Variants in RHBDF2 observed in about 807,000 individuals in gnomAD.
RHBDF2 encodes rhomboid 5 homolog 2.
RHBDF2 carries 38 observed loss-of-function variants against 95.2 expected under a neutral mutation model. That is an observed-to-expected ratio of 0.40 (90% CI 0.31 to 0.52). The LOEUF (loss-of-function observed/expected upper bound fraction) is 0.52. Ranked by LOEUF, RHBDF2 falls within the 20% of genes least tolerant of loss-of-function variation. RHBDF2 has a pLI of 0.56. For missense variants in RHBDF2, 863 were observed against 1,137.7 expected, an observed-to-expected ratio of 0.76 and a Z score of 3.47; for synonymous variants, 442 against 462.0, an observed-to-expected ratio of 0.96 and a Z score of 0.55.
At chr17:76,494,123 G>A (rs2074379359) in intron 1 of RHBDF2, among the ~76,000 whole-genome samples, 1 of 152,030 alleles carries the variant, frequency 6.6e-6, no homozygotes, top group South Asian at 2.1e-4. Flanking sequence ...TGTGTGTGTT[G>A]CGGGGGGCTG....
chr17:76,486,718 T>TATAAATAAATAAATAAATAAATAA (rs374104312), intron 2 of RHBDF2, among the ~76,000 whole-genome samples: 50,488 of 145,692 alleles, frequency 0.35, 9,547 homozygotes, highest in Middle Eastern at 0.47. Context: ...TGTCTCAAAA[T>TATAAATAAATAAATAAATAAATAA]ATAAATAAAT....
Position 76,477,426 on chromosome 17 carries a change from C to A in RHBDF2, c.802-128G>T, listed in dbSNP as rs2073809604. On this transcript the variant is annotated intron_variant, in intron 7 of 18. Transcript: ENST00000675367. ...TCACAATGAATTGGGAAGCCACATGCCCGTCAGCCCCAATGGTGACTTTCC... is the reference window on the plus strand; with the variant it reads ...TCACAATGAATTGGGAAGCCACATGACCGTCAGCCCCAATGGTGACTTTCC... 4 of 1,248,068 alleles carry A rather than the reference C, an allele frequency of 3.2e-6. No homozygotes were observed. The South Asian group carries it at 5.9e-5, about 18-fold the overall frequency. 77.3% of individuals were successfully genotyped at this position (1,248,068 alleles called of 1,614,324 possible). A position where few individuals can be genotyped will look rare whatever the true frequency, so the allele number is the denominator to read the frequency against.
intron 1 of RHBDF2, among the ~76,000 whole-genome samples, chr17:76,494,212 C>A (rs578079819): frequency 6.6e-6 from 1 of 152,304 alleles, no homozygotes; most frequent in South Asian, 2.1e-4. Context: ...TTTCTCAGGA[C>A]CAGTTGCCAG....
chr17:76,481,398 C>A lies in RHBDF2; in HGVS notation c.127G>T (p.Glu43Ter). The change falls in exon 3 of 19, where the codon GAG becomes TAG. Residue 43 changes from glutamate (E) to a stop codon, truncating the protein, a stop_gained. Transcript: ENST00000675367. LOFTEE classifies it high-confidence loss of function. Reference sequence around the variant, plus strand: ...ACCTCAGGCAGCATGCTGTCCTGCTCGCCAGGGGCCTGGGTCTCTTTCTCG... The same window carrying A: ...ACCTCAGGCAGCATGCTGTCCTGCTAGCCAGGGGCCTGGGTCTCTTTCTCG... ...PPEKETQAPGEQDSMLPERKN... is the reference protein window; with the variant it reads ...PPEKETQAPG 6.2e-7 allele frequency: 1 copy of A among 1,612,472 alleles called. No homozygotes were observed. The highest frequency in any genetic ancestry group is 8.5e-7 in the Non-Finnish European group (1 of 1,179,960).
At chr17:76,480,827 G>T (rs2073942393) in intron 3 of RHBDF2, among the ~76,000 whole-genome samples, 1 of 152,196 alleles carries the variant, frequency 6.6e-6, no homozygotes, top group Non-Finnish European at 1.5e-5. Context: ...GCTCTCGGGT[G>T]AACGGGGGGC....
At chr17:76,498,880 C>CTG (rs376312324) in intron 1 of RHBDF2, among the ~76,000 whole-genome samples, 7 of 133,598 alleles carry the variant, frequency 5.2e-5, no homozygotes, top group East Asian at 4.6e-4. Context: ...TTGTGTGTGT[C>CTG]TGTGTGTGTG....
chr17:76,482,229 C>T lies in RHBDF2; in HGVS notation c.-21-684G>A, dbSNP rs558905886. ...AAGATGCAGGCCAGGGACGGTGGCT[C>T]ACACCTGTAATACCAGCACTTGGGG... On this transcript the variant is annotated intron_variant, in intron 2 of 18. Transcript: ENST00000675367. Among the ~76,000 whole-genome samples the T allele has an allele frequency of 4.6e-5, 7 of 152,214 alleles. 1 individual carries two copies. The highest frequency in any genetic ancestry group is 1.7e-4 in the African/African-American group (7 of 41,546).
At position 76,483,381 on chromosome 17, in the gene RHBDF2, G is replaced by T. The variant is rs977561879; in HGVS notation, c.-21-1836C>A. On this transcript the variant is annotated intron_variant, in intron 2 of 18. Transcript: ENST00000675367. ...GCTCACCGCAACCTCCACCTCCCAGGTTCAAGTGATTCTCCTGCCTCAGCC... is the reference window on the plus strand; with the variant it reads ...GCTCACCGCAACCTCCACCTCCCAGTTTCAAGTGATTCTCCTGCCTCAGCC... 3.3e-5 allele frequency among the ~76,000 whole-genome samples: 5 copies of T among 151,996 alleles called. 1 individual carries two copies. The East Asian group carries it at 9.7e-4, about 29-fold the overall frequency.
intron 2 of RHBDF2, among the ~76,000 whole-genome samples, chr17:76,485,826 C>T (rs921970063): frequency 6.6e-6 from 1 of 152,118 alleles, no homozygotes; most frequent in Non-Finnish European, 1.5e-5. Flanking sequence ...CGTGGACGAG[C>T]TTTGAGAACA....
chr17:76,472,580 T>C, intron 18 of RHBDF2, 106 bp downstream of exon 18: 1 of 1,437,694 alleles, frequency 7.0e-7, no homozygotes, highest in Non-Finnish European at 9.8e-7. Context: ...TGGAGCCCAG[T>C]ACAGGAGGGG....
chr17:76,471,625 C>T lies in RHBDF2; in HGVS notation c.*8G>A, dbSNP rs1171582078. The T allele has an allele frequency of 6.3e-7, 1 of 1,578,416 alleles. No homozygotes were observed. Among genetic ancestry groups the T allele is most frequent in the Non-Finnish European group, 8.6e-7 (1 of 1,160,848 alleles). ...GCAGGGCTGAGGGGCAGCCGTGTGGCCCAGCGGTCAGTGCAGCACCTGGTC... is the reference window on the plus strand; with the variant it reads ...GCAGGGCTGAGGGGCAGCCGTGTGGTCCAGCGGTCAGTGCAGCACCTGGTC... On this transcript the variant is annotated 3_prime_UTR_variant, in exon 19 of 19. Transcript: ENST00000675367.
At chr17:76,489,999 C>T (rs762432030) in intron 1 of RHBDF2, among the ~76,000 whole-genome samples, 4 of 152,336 alleles carry the variant, frequency 2.6e-5, no homozygotes, top group East Asian at 1.9e-4. Flanking sequence ...TCCAGCATTC[C>T]AGCGCTTTCC....
chr17:76,473,094 C>T lies in RHBDF2; in HGVS notation c.1821G>A (p.Leu607=), dbSNP rs1231006350. The T allele has an allele frequency of 3.7e-6, 6 of 1,613,878 alleles. No individual in the cohort carries two copies. Among genetic ancestry groups the T allele is most frequent in the Non-Finnish European group, 1.7e-6 (2 of 1,179,810 alleles). ...EATLCSQVHC[L]DKVCGLLPFL... ...AGGGCAGCAGCCCACACACCTTGTC[C>T]AAGCAGTGCACCTGGGAGTGGGCAT... Residue 607 remains leucine, a synonymous_variant, in exon 17 of 19, where the codon TTG becomes TTA. Coordinates refer to ENST00000675367, the MANE Select transcript of RHBDF2 (RefSeq NM_001005498.4).
intron 7 of RHBDF2, 139 bp from the exon 8 acceptor site, chr17:76,477,437 C>T (rs369958352): frequency 5.7e-6 from 7 of 1,220,620 alleles, no homozygotes; most frequent in Admixed American, 2.5e-5. Flanking sequence ...CCGTCAGCCC[C>T]AATGGTGACT....
intron 12 of RHBDF2, 31 bp from the exon 13 acceptor site, chr17:76,474,173 G>A (rs762183505): frequency 6.7e-7 from 1 of 1,493,666 alleles, no homozygotes; most frequent in South Asian, 1.2e-5. Context: ...GGTGGGTCAT[G>A]TCGGGGCCAG....
intron 2 of RHBDF2, among the ~76,000 whole-genome samples, chr17:76,482,604 T>G (rs1458671506): frequency 6.6e-6 from 1 of 152,114 alleles, no homozygotes; most frequent in African/African-American, 2.4e-5. Context: ...TAAAACCCTG[T>G]CTCTACTAAA....
chr17:76,485,360 G>A (rs1326515134), intron 2 of RHBDF2, among the ~76,000 whole-genome samples: 3 of 134,452 alleles, frequency 2.2e-5, no homozygotes, highest in East Asian at 2.2e-4. Context: ...GCGGTGAGCC[G>A]AAATCTCGCC....
intron 15 of RHBDF2, 126 bp from the exon 16 acceptor site, chr17:76,473,453 C>G (rs1423136527): frequency 2.0e-6 from 2 of 1,011,736 alleles, no homozygotes; most frequent in Non-Finnish European, 3.0e-6. Flanking sequence ...GCATCCAGAA[C>G]CTTCGACTCT....
chr17:76,472,001 G>A lies in RHBDF2; in HGVS notation c.2116C>T (p.Leu706Phe), dbSNP rs1409627782. Residue 706 changes from leucine (L) to phenylalanine (F), a missense_variant, in exon 19 of 19, where the codon CTC becomes TTC. Leu to Phe is a conservative substitution (Grantham distance 22). Around this residue, in one of 2 missense-constraint regions of RHBDF2, gnomAD observed 252 missense variants for 412.2 expected, o/e 0.61. Coordinates refer to ENST00000675367, the MANE Select transcript of RHBDF2 (RefSeq NM_001005498.4). ...TCCAGCAGCGGCCAGCTCTGGAAGAGCTCCACGAAGAGGCAGGCGAGGAGG... is the reference window on the plus strand; with the variant it reads ...TCCAGCAGCGGCCAGCTCTGGAAGAACTCCACGAAGAGGCAGGCGAGGAGG... ...FGLLACLFVE[L>F]FQSWPLLERP... 1.9e-6 allele frequency: 3 copies of A among 1,576,976 alleles called. No homozygotes were observed. Among genetic ancestry groups the A allele is most frequent in the East Asian group, 2.3e-5 (1 of 43,366 alleles).
Sources: gnomAD v4.1 joint callset for allele counts (sites outside exome capture counted in the v4.1 genomes callset) on GRCh38, gnomAD v4.1.1 for gene constraint, gnomAD v4.1.1 regional missense constraint, MANE v1.5 for transcripts, NCBI Gene and HGNC (gene_info 2026-07-23, HGNC 2026-07-21) for gene names.